The following ACBD6 variants were observed in gnomAD, a reference collection of about 807,000 sequenced individuals.
ACBD6 encodes acyl-CoA binding domain containing 6.
A neutral mutation model predicts 37.2 loss-of-function variants in ACBD6; 28 were observed. The observed-to-expected ratio is 0.75, with a 90% CI of 0.56 to 1.03. ACBD6 has a LOEUF of 1.03. Ranked by LOEUF, ACBD6 falls within the 50% of genes least tolerant of loss-of-function variation. The pLI is 0.00. For missense variants in ACBD6, 340 were observed against 337.4 expected (o/e 1.01, Z -0.06); for synonymous variants, 113 against 126.8 (o/e 0.89, Z 0.73).
downstream of ACBD6, among the ~76,000 whole-genome samples, chr1:180,285,343 C>A (rs1649451276): frequency 1.3e-5 from 2 of 152,118 alleles, no homozygotes; most frequent in African/African-American, 4.8e-5. Context: ...CAGAGTGAGA[C>A]CTTGTCTCAA....
intron 3 of ACBD6, among the ~76,000 whole-genome samples, chr1:180,473,364 G>A (rs897363618): frequency 2.0e-5 from 3 of 149,160 alleles, no homozygotes; most frequent in African/African-American, 4.9e-5. Context: ...GGAGAATGGC[G>A]TGAACCCGGG....
chr1:180,487,704 A>C (rs903098858), intron 3 of ACBD6, among the ~76,000 whole-genome samples: 1 of 152,176 alleles, frequency 6.6e-6, no homozygotes, highest in Admixed American at 6.5e-5. Context: ...GAAAGAAAAA[A>C]ATCATATGCT....
chr1:180,465,094 G>A (rs1401374251), intron 3 of ACBD6, among the ~76,000 whole-genome samples: 7 of 151,792 alleles, frequency 4.6e-5, no homozygotes, highest in Admixed American at 2.6e-4. Flanking sequence ...AGACAACCTC[G>A]GCAATGCCAT....
intron 5 of ACBD6, among the ~76,000 whole-genome samples, chr1:180,408,373 C>T (rs1439634504): frequency 1.3e-5 from 2 of 152,124 alleles, no homozygotes; most frequent in South Asian, 2.1e-4. Flanking sequence ...TTTGTAGGGA[C>T]ATGGATGAAA....
Position 180,430,258 on chromosome 1 carries a change from G to A in ACBD6, c.389C>T (p.Pro130Leu). The part of the protein sequence containing the change: ...KLDPGWNPQI[P>L]EKKGKEANTG... ...ATTTGCTTCTTTTCCTTTCTTCTCT[G>A]GTATCTGTGGGAAGGAGAAAAAAAA... The change falls in exon 4 of 8, where the codon CCA becomes CTA. Residue 130 changes from proline to leucine, a missense_variant. Physicochemically the swap from Pro to Leu is moderately conservative, Grantham distance 98. Coordinates refer to ENST00000367595, the MANE Select transcript of ACBD6 (RefSeq NM_032360.4). The A allele has an allele frequency of 6.2e-7, 1 of 1,612,380 alleles. No individual in the cohort carries two copies. Among genetic ancestry groups the A allele is most frequent in the Non-Finnish European group, 8.5e-7 (1 of 1,179,282 alleles).
chr1:180,271,316 TG>T, exon 14 of ACBD6: 1 of 1,563,080 alleles, frequency 6.4e-7, no homozygotes, highest in Non-Finnish European at 8.8e-7. Context: ...GAAGGGAGGG[TG>T]TGGGAGGAGG....
intron 6 of ACBD6, among the ~76,000 whole-genome samples, chr1:180,385,956 G>A (rs150920244): frequency 0.015 from 2,311 of 152,282 alleles, 24 homozygotes; most frequent in Non-Finnish European, 0.022. Flanking sequence ...GACCACTTGA[G>A]GTCAGAAGTT....
intron 6 of ACBD6, among the ~76,000 whole-genome samples, chr1:180,362,619 A>G (rs1374581766): frequency 1.3e-5 from 2 of 152,178 alleles, no homozygotes; most frequent in African/African-American, 4.8e-5. Context: ...TCCTTCATAC[A>G]TAGAGAGATG....
chr1:180,356,404 T>A (rs1652630489), intron 6 of ACBD6, among the ~76,000 whole-genome samples: 1 of 151,882 alleles, frequency 6.6e-6, no homozygotes, highest in Non-Finnish European at 1.5e-5. Flanking sequence ...ACATCTGGGC[T>A]CTAGCTATCC....
At chr1:180,280,751 C>T (rs185953112) in intron 9 of ACBD6, among the ~76,000 whole-genome samples, 3 of 152,308 alleles carry the variant, frequency 2.0e-5, no homozygotes, top group Admixed American at 2.0e-4. Flanking sequence ...TAGGGGAATA[C>T]AGAAGGTGCT....
intron 13 of ACBD6, chr1:180,272,078 A>G (rs1648706438): frequency 2.1e-6 from 3 of 1,421,512 alleles, no homozygotes; most frequent in African/African-American, 1.4e-5. Flanking sequence ...CCTGGCACTC[A>G]GGAGGGATCT....
At chr1:180,372,384 C>T (rs1262192470) in intron 6 of ACBD6, among the ~76,000 whole-genome samples, 1 of 151,996 alleles carries the variant, frequency 6.6e-6, no homozygotes. Context: ...CAGTATGCAC[C>T]TAAAAACAAA....
intron 6 of ACBD6, among the ~76,000 whole-genome samples, chr1:180,395,785 G>A (rs1446830827): frequency 6.6e-6 from 1 of 152,154 alleles, no homozygotes. Flanking sequence ...ATATGATCAA[G>A]CTATTCTATT....
At chr1:180,356,497 A>G (rs914500819) in intron 6 of ACBD6, among the ~76,000 whole-genome samples, 2 of 152,048 alleles carry the variant, frequency 1.3e-5, no homozygotes, top group Non-Finnish European at 2.9e-5. Context: ...TTAAATTAAC[A>G]TCGTATATAC....
At position 180,502,298 on chromosome 1, in the gene ACBD6, G is replaced by A. The variant is rs572140919; in HGVS notation, c.-32C>T. Reference sequence around the variant, plus strand: ...TTGCTCGCTCCGTCCCTCTGTGTCCGGTCTGTCCTCCTTGGATTGGGTGTA... The same window carrying A: ...TTGCTCGCTCCGTCCCTCTGTGTCCAGTCTGTCCTCCTTGGATTGGGTGTA... On this transcript the variant is annotated 5_prime_UTR_variant, in exon 1 of 8. Coordinates refer to ENST00000367595, the MANE Select transcript of ACBD6 (RefSeq NM_032360.4). 1 of 1,608,870 alleles carries A rather than the reference G, an allele frequency of 6.2e-7. No individual in the cohort carries two copies. The highest frequency in any genetic ancestry group is 1.7e-5 in the Admixed American group (1 of 59,766).
intron 6 of ACBD6, among the ~76,000 whole-genome samples, chr1:180,362,718 CAA>C (rs909237851): frequency 3.3e-5 from 5 of 152,052 alleles, no homozygotes; most frequent in African/African-American, 9.7e-5. Context: ...TGAGATGGTT[CAA>C]AGTCACCAAA....
chr1:180,484,636 T>C (rs1651187196), intron 3 of ACBD6, among the ~76,000 whole-genome samples: 1 of 152,226 alleles, frequency 6.6e-6, no homozygotes, highest in African/African-American at 2.4e-5. Flanking sequence ...TGATATAGGA[T>C]ATACACGTGT....
intron 6 of ACBD6, among the ~76,000 whole-genome samples, chr1:180,350,319 C>T (rs1652360513): frequency 6.6e-6 from 1 of 152,164 alleles, no homozygotes; most frequent in Admixed American, 6.5e-5. Flanking sequence ...CAGGTGTGAG[C>T]CACCATGCCT....
intron 3 of ACBD6, among the ~76,000 whole-genome samples, chr1:180,471,954 C>G (rs1404439345): frequency 6.6e-6 from 1 of 152,158 alleles, no homozygotes; most frequent in Admixed American, 6.5e-5. Context: ...GAGGTTTATA[C>G]CAATGAGTTT....
Sources: gnomAD v4.1 joint callset for allele counts (sites outside exome capture counted in the v4.1 genomes callset) on GRCh38, gnomAD v4.1.1 for gene constraint, MANE v1.5 for transcripts, NCBI Gene and HGNC (gene_info 2026-07-23, HGNC 2026-07-21) for gene names.